PTBP1: variants seen among roughly 807,000 people sequenced by gnomAD.
PTBP1 encodes the protein polypyrimidine tract-binding protein 1.
A neutral mutation model predicts 59.8 loss-of-function variants in PTBP1; 8 were observed. The observed-to-expected ratio is 0.13, with a 90% CI of 0.08 to 0.24. PTBP1 has a LOEUF of 0.24. Among genes scored for constraint, PTBP1 ranks in the 10% least tolerant of loss-of-function variants. PTBP1 has a pLI of 1.00. For missense variants in PTBP1, 686 were observed against 767.0 expected (o/e 0.89, Z 1.25); for synonymous variants, 490 against 320.7 (o/e 1.53, Z -5.64).
chr19:806,128 GGCGGA>G (rs1156369529), intron 9 of PTBP1: 1 of 372,260 alleles, frequency 2.7e-6, no homozygotes, highest in Non-Finnish European at 4.8e-6. Context: ...TGTCTGTGCT[GGCGGA>G]GCCGGAGCTT....
intron 1 of PTBP1, among the ~76,000 whole-genome samples, chr19:798,089 C>G (rs2034158916): frequency 6.6e-6 from 1 of 151,866 alleles, no homozygotes; most frequent in Non-Finnish European, 1.5e-5. Context: ...TCTGCGCTCC[C>G]CGCCCTACCC....
rs1456720175 is a variant in PTBP1 at position 805,359 on chromosome 19, CT to C, written c.893-132del. 237 of 1,200,712 alleles carry C rather than the reference CT, an allele frequency of 2.0e-4. 1 individual carries two copies. Among genetic ancestry groups the C allele is most frequent in the Non-Finnish European group, 1.6e-4 (133 of 833,142 alleles). The allele number at this position is 1,200,712 out of a possible 1,614,324, so 74.4% of individuals were successfully genotyped here. A position where few individuals can be genotyped will look rare whatever the true frequency, so the allele number is the denominator to read the frequency against. On this transcript the variant is annotated intron_variant, in intron 8 of 14. Transcript: ENST00000356948. Reference sequence around the variant, plus strand: ...CCCCACGTCGGGACCACGGCCCCCCCTGGAGCAGCGGATCTGCCCGCGAAGG... The same window carrying C: ...CCCCACGTCGGGACCACGGCCCCCCCGGAGCAGCGGATCTGCCCGCGAAGG...
intron 2 of PTBP1, among the ~76,000 whole-genome samples, chr19:801,913 C>G (rs1442152789): frequency 6.6e-6 from 1 of 152,184 alleles, no homozygotes; most frequent in Non-Finnish European, 1.5e-5. Flanking sequence ...GGTCTGTTTT[C>G]AGTATTTGGC....
chr19:803,784 G>C (rs1305469047), intron 3 of PTBP1, 148 bp downstream of exon 3: 3 of 849,720 alleles, frequency 3.5e-6, no homozygotes, highest in Admixed American at 2.5e-5. Flanking sequence ...TCTCGCTGCA[G>C]AGAATTTCCA....
In PTBP1 at chr19:804,844, G is replaced by A. The variant is rs1157655881; in HGVS notation, c.622G>A (p.Gly208Ser). The A allele has an allele frequency of 2.5e-6, 4 of 1,613,748 alleles. No homozygotes were observed. Among genetic ancestry groups the A allele is most frequent in the Non-Finnish European group, 3.4e-6 (4 of 1,179,842 alleles). The change falls in exon 7 of 15, where the codon GGC becomes AGC. Residue 208 changes from glycine (G) to serine (S), a missense_variant. By Grantham distance (56) the Gly-to-Ser change is moderately conservative (BLOSUM62 0). Coordinates refer to ENST00000356948, the MANE Select transcript of PTBP1 (RefSeq NM_002819.5). ...GGACCTGCAGATTTTCTCCAAGTTC[G>A]GCACAGTGTTGAAGATCATCACCTT... Reference protein sequence around the residue: ...DVLHQIFSKFGTVLKIITFTK... With the variant: ...DVLHQIFSKFSTVLKIITFTK...
At chr19:799,572 C>T (rs2034241376) in intron 2 of PTBP1, 129 bp downstream of exon 2, 3 of 922,442 alleles carry the variant, frequency 3.3e-6, no homozygotes, top group Non-Finnish European at 5.4e-6. Context: ...TACCCTTGGT[C>T]TGGAATCTGG....
At position 808,830 on chromosome 19, in the gene PTBP1, C is replaced by G. The variant is rs1202784345; in HGVS notation, c.1463+68C>G. On this transcript the variant is annotated intron_variant, in intron 13 of 14. Coordinates refer to ENST00000356948, the MANE Select transcript of PTBP1 (RefSeq NM_002819.5). The surrounding 1 kb of genome is among the most constrained non-coding windows in gnomAD (Gnocchi z 4.7). Reference sequence around the variant, plus strand: ...AGGGCTCTGCTTGGCTGTCCTACCGCGTCGGTGTGTGGACTTCTGGCGTTT... The same window carrying G: ...AGGGCTCTGCTTGGCTGTCCTACCGGGTCGGTGTGTGGACTTCTGGCGTTT... The G allele has an allele frequency of 2.8e-6, 4 of 1,449,018 alleles. No homozygotes were observed. In the African/African-American group the frequency reaches 4.2e-5, roughly 15 times the overall value. The allele number at this position is 1,449,018 out of a possible 1,614,324, so 89.8% of individuals were successfully genotyped here.
chr19:802,567 C>T (rs1307217731), intron 2 of PTBP1, among the ~76,000 whole-genome samples: 2 of 152,304 alleles, frequency 1.3e-5, no homozygotes, highest in East Asian at 3.9e-4. Context: ...GAGATGGAGG[C>T]TCCTTTGTTC....
At chr19:805,464 C>G in intron 8 of PTBP1, 28 bp from the exon 9 acceptor site, 1 of 1,590,346 alleles carries the variant, frequency 6.3e-7, no homozygotes, top group Non-Finnish European at 8.6e-7. Context: ...GTTGTGGGTG[C>G]GATGATTAGT....
In PTBP1 at chr19:804,312, G is replaced by A. The variant is rs1199378872; in HGVS notation, c.309G>A (p.Thr103=). The part of the protein sequence containing the change: ...GKNQAFIEMN[T]EEAANTMVNY... ...AACAGGCCTTCATCGAGATGAACAC[G>A]GAGGAGGCTGCCAACACCATGGTGA... The change falls in exon 5 of 15, where the codon ACG becomes ACA. Residue 103 remains threonine, a synonymous_variant. Coordinates refer to ENST00000356948, the MANE Select transcript of PTBP1 (RefSeq NM_002819.5). 5.6e-6 allele frequency: 9 copies of A among 1,613,608 alleles called. No individual in the cohort carries two copies. The highest frequency in any genetic ancestry group is 3.3e-5 in the South Asian group (3 of 91,076).
In PTBP1 at chr19:804,532, C is replaced by T; in HGVS notation, c.436C>T (p.Arg146Trp). The T allele has an allele frequency of 5.0e-6, 8 of 1,600,252 alleles. No homozygotes were observed. The highest frequency in any genetic ancestry group is 6.8e-6 in the Non-Finnish European group (8 of 1,175,936). Reference sequence around the variant, plus strand: ...GGACTCACGGCTGTGCCTCCCACAGCGGGCCCAGGCGGCCCTGCAGGCGGT... The same window carrying T: ...GGACTCACGGCTGTGCCTCCCACAGTGGGCCCAGGCGGCCCTGCAGGCGGT... Reference protein sequence around the residue: ...LKTDSSPNQARAQAALQAVNS... With the variant: ...LKTDSSPNQAWAQAALQAVNS... The change falls in exon 6 of 15, where the codon CGG (arginine) becomes TGG (tryptophan). Residue 146 changes from arginine to tryptophan, a missense_variant and splice_region_variant. Arg to Trp is a moderately radical substitution (Grantham distance 101, BLOSUM62 -3). Coordinates refer to ENST00000356948, the MANE Select transcript of PTBP1 (RefSeq NM_002819.5).
At position 804,418 on chromosome 19, in the gene PTBP1, G is replaced by A. The variant is rs751600974; in HGVS notation, c.415G>A (p.Asp139Asn). The A allele has an allele frequency of 1.2e-6, 2 of 1,611,658 alleles. No homozygotes were observed. Among genetic ancestry groups the A allele is most frequent in the South Asian group, 1.1e-5 (1 of 91,042 alleles). The change falls in exon 5 of 15, where the codon GAC (aspartate) becomes AAC (asparagine). Residue 139 changes from aspartate (D) to asparagine (N), a missense_variant. Coordinates refer to ENST00000356948, the MANE Select transcript of PTBP1 (RefSeq NM_002819.5). ...CTCCAACCACAAGGAGCTGAAGACCGACAGCTCTCCCAACCAGGCGGTGCG... is the reference window on the plus strand; with the variant it reads ...CTCCAACCACAAGGAGCTGAAGACCAACAGCTCTCCCAACCAGGCGGTGCG... ...QFSNHKELKT[D>N]SSPNQARAQA...
chr19:803,165 G>T lies in PTBP1; in HGVS notation c.40-396G>T, dbSNP rs1198126462. Among the ~76,000 whole-genome samples the T allele has an allele frequency of 2.6e-5, 4 of 152,174 alleles. No individual in the cohort carries two copies. In the East Asian group the frequency reaches 5.8e-4, roughly 22 times the overall value. ...CTGGGGGGGCTGGCTCCATGGAGGGGGTCCTCTGCCCTGCTGGCTGGTGGC... is the reference window on the plus strand; with the variant it reads ...CTGGGGGGGCTGGCTCCATGGAGGGTGTCCTCTGCCCTGCTGGCTGGTGGC... On this transcript the variant is annotated intron_variant, in intron 2 of 14. Transcript: ENST00000356948.
chr19:810,374 G>A (rs2034801522), intron 13 of PTBP1, among the ~76,000 whole-genome samples, 169 bp from the exon 14 acceptor site: 1 of 152,202 alleles, frequency 6.6e-6, no homozygotes, highest in Non-Finnish European at 1.5e-5. Context: ...TTCGTTAGAA[G>A]CTGCTTCAGA....
Position 797,476 on chromosome 19 carries a change from C to T in PTBP1, c.-22C>T, listed in dbSNP as rs780123491. ...TATTCCGGCGCCTCCACTCCGTCCCCCGCGGGTCTGCTCTGTGTGCCATGG... is the reference window on the plus strand; with the variant it reads ...TATTCCGGCGCCTCCACTCCGTCCCTCGCGGGTCTGCTCTGTGTGCCATGG... On this transcript the variant is annotated 5_prime_UTR_variant, in exon 1 of 15. Coordinates refer to ENST00000356948, the MANE Select transcript of PTBP1 (RefSeq NM_002819.5). The T allele has an allele frequency of 8.1e-6, 13 of 1,595,662 alleles. No individual in the cohort carries two copies. Among genetic ancestry groups the T allele is most frequent in the Admixed American group, 6.7e-5 (4 of 59,268 alleles).
chr19:809,250 G>A (rs933732271), intron 13 of PTBP1, among the ~76,000 whole-genome samples: 2 of 151,756 alleles, frequency 1.3e-5, no homozygotes, highest in African/African-American at 4.8e-5. Context: ...CTTGTGATCC[G>A]CCTGCTTCGG....
chr19:804,715 C>T lies in PTBP1; in HGVS notation c.606+13C>T. 2 of 1,610,512 alleles carry T rather than the reference C, an allele frequency of 1.2e-6. No homozygotes were observed. The highest frequency in any genetic ancestry group is 1.7e-6 in the Non-Finnish European group (2 of 1,177,564). ...TGTGCTGCACCAGGTGAGGTGGTCC[C>T]ATCACCGCCAGGGCAGGTCGGCTGC... is the stretch of plus-strand genomic sequence containing the variant. On this transcript the variant is annotated intron_variant, in intron 6 of 14. Coordinates refer to ENST00000356948, the MANE Select transcript of PTBP1 (RefSeq NM_002819.5).
At chr19:807,195 A>G (rs947011104) in intron 10 of PTBP1, 3 of 152,322 alleles carry the variant, frequency 2.0e-5, no homozygotes, top group Admixed American at 6.5e-5. Context: ...CTGTCCCTCC[A>G]GCTCCTCCTG....
chr19:806,738 C>T, intron 10 of PTBP1, 182 bp downstream of exon 10: 3 of 525,008 alleles, frequency 5.7e-6, no homozygotes, highest in South Asian at 3.6e-5. Flanking sequence ...TTCCTCTTTT[C>T]CTGAATTCAC....
Sources: allele counts gnomAD v4.1 joint callset (sites outside exome capture counted in the v4.1 genomes callset), GRCh38; gene constraint gnomAD v4.1.1; non-coding constraint Gnocchi (gnomAD v3.1); transcripts MANE v1.5; gene names NCBI Gene and HGNC (gene_info 2026-07-23, HGNC 2026-07-21).